NUFIP2: variants seen among roughly 807,000 people sequenced by gnomAD.
NUFIP2 encodes nuclear FMR1 interacting protein 2, also known as FMR1-interacting protein NUFIP2.
Under a neutral mutation model 56.9 loss-of-function variants are expected in NUFIP2, and 6 were observed. The observed-to-expected ratio is 0.11, with a 90% CI of 0.06 to 0.21. The LOEUF (loss-of-function observed/expected upper bound fraction) is 0.21. Among genes scored for constraint, NUFIP2 ranks in the 10% least tolerant of loss-of-function variants. NUFIP2 has a pLI of 1.00. For missense variants in NUFIP2, 828 were observed against 826.8 expected (o/e 1.00, Z -0.02); for synonymous variants, 321 against 298.2 (o/e 1.08, Z -0.79).
At chr17:29,269,747 T>C (rs548343687) in intron 2 of NUFIP2, among the ~76,000 whole-genome samples, 37 of 152,014 alleles carry the variant, frequency 2.4e-4, no homozygotes, top group African/African-American at 8.4e-4. Flanking sequence ...TCTGGCACTT[T>C]TTTTTTTGAG....
intron 2 of NUFIP2, among the ~76,000 whole-genome samples, chr17:29,271,362 C>T (rs935369719): frequency 2.0e-5 from 3 of 151,528 alleles, no homozygotes; most frequent in African/African-American, 7.3e-5. Context: ...CATGGTGAAA[C>T]CCCGTCTCTA....
intron 1 of NUFIP2, among the ~76,000 whole-genome samples, chr17:29,290,137 G>A (rs1184736005): frequency 6.6e-6 from 1 of 151,868 alleles, no homozygotes; most frequent in Non-Finnish European, 1.5e-5. Flanking sequence ...TGCCCGCCTG[G>A]GCCTCCCAAA....
rs2069183449 is a variant in NUFIP2, at chr17:29,287,280, A to G, written c.714T>C (p.Asn238=). 1.2e-6 allele frequency: 2 copies of G among 1,614,060 alleles called. No individual in the cohort carries two copies. The highest frequency in any genetic ancestry group is 2.2e-5 in the South Asian group (2 of 91,080). ...GTTGCATTATTTTGTCCTGCACTATATTAAGGTTTTCACAACCCTTGGCAC... is the reference window on the plus strand; with the variant it reads ...GTTGCATTATTTTGTCCTGCACTATGTTAAGGTTTTCACAACCCTTGGCAC... ...RNSAKGCENL[N]IVQDKIMQQE... Residue 238 remains asparagine (N), a synonymous_variant, in exon 2 of 4, where the codon AAT becomes AAC. Transcript: ENST00000225388.
rs189825211 is a variant in NUFIP2, at chr17:29,264,514, G to C, written c.*25C>G. On this transcript the variant is annotated 3_prime_UTR_variant, in exon 4 of 4. Coordinates refer to ENST00000225388, the MANE Select transcript of NUFIP2 (RefSeq NM_020772.3). Reference sequence around the variant, plus strand: ...AACGATGGCTCTAATGCTGCAGAAAGGTTACGAATAGGCAGTCTGGTCCTT... The same window carrying C: ...AACGATGGCTCTAATGCTGCAGAAACGTTACGAATAGGCAGTCTGGTCCTT... 6.4e-6 allele frequency: 10 copies of C among 1,566,386 alleles called. No homozygotes were observed. The highest frequency in any genetic ancestry group is 8.8e-6 in the Non-Finnish European group (10 of 1,137,456).
intron 2 of NUFIP2, among the ~76,000 whole-genome samples, chr17:29,278,765 A>C (rs576755989): frequency 6.6e-5 from 10 of 152,286 alleles, no homozygotes; most frequent in Non-Finnish European, 1.5e-4. Context: ...GTTAAATTTT[A>C]ACTTCCAAAA....
In NUFIP2 at chr17:29,287,555, C is replaced by G. The variant is rs371502651; in HGVS notation, c.439G>C (p.Ala147Pro). Residue 147 changes from alanine to proline, a missense_variant, in exon 2 of 4, where the codon GCA becomes CCA. Transcript: ENST00000225388. ...QTVKANTFGKAGIKTKNFIQK... is the reference protein window; with the variant it reads ...QTVKANTFGKPGIKTKNFIQK... ...ATGAAATTCTTGGTTTTAATTCCTG[C>G]TTTCCCAAAGGTGTTGGCCTTTACA... 5 of 1,614,064 alleles carry G rather than the reference C, an allele frequency of 3.1e-6. No individual in the cohort carries two copies. In the South Asian group the frequency reaches 5.5e-5, roughly 18 times the overall value.
At chr17:29,269,192 G>A (rs369416318) in intron 2 of NUFIP2, among the ~76,000 whole-genome samples, 62 of 152,058 alleles carry the variant, frequency 4.1e-4, no homozygotes, top group Middle Eastern at 3.4e-3. Context: ...AGTCTTCTGT[G>A]GTAATAAAAC....
chr17:29,278,962 C>T (rs958496443), intron 2 of NUFIP2, among the ~76,000 whole-genome samples: 2 of 152,056 alleles, frequency 1.3e-5, no homozygotes, highest in Non-Finnish European at 2.9e-5. Flanking sequence ...ACTATATGTC[C>T]CACATCATTA....
In NUFIP2 at chr17:29,259,094, G is replaced by C. The variant is rs992427247; in HGVS notation, c.*5445C>G. The C allele has an allele frequency of 2.5e-4, 38 of 152,236 alleles. No individual in the cohort carries two copies. Among genetic ancestry groups the C allele is most frequent in the African/African-American group, 8.9e-4 (37 of 41,542 alleles). The allele number at this position is 152,236 out of a possible 1,614,324, so 9.4% of individuals were successfully genotyped here. ...AAGAAATAAGCATTTTAAGAATAAAGCAGACATCACTAAAGCAGTATCCAT... is the reference window on the plus strand; with the variant it reads ...AAGAAATAAGCATTTTAAGAATAAACCAGACATCACTAAAGCAGTATCCAT... On this transcript the variant is annotated 3_prime_UTR_variant, in exon 4 of 4. Transcript: ENST00000225388.
chr17:29,286,731 T>C lies in NUFIP2; in HGVS notation c.1263A>G (p.Ala421=), dbSNP rs1331124651. 1 of 1,614,134 alleles carries C rather than the reference T, an allele frequency of 6.2e-7. No individual in the cohort carries two copies. Residue 421 remains alanine (A), a synonymous_variant, in exon 2 of 4, where the codon GCA becomes GCG. Transcript: ENST00000225388. ...GAGGATAAACATTTCCATCAGTCCC[T>C]GCTAAAACAGGCCCATTAGAAAAGT... The part of the protein sequence containing the change: ...SANFSNGPVL[A]GTDGNVYPPG...
intron 2 of NUFIP2, among the ~76,000 whole-genome samples, chr17:29,276,153 A>G (rs1374081969): frequency 2.6e-5 from 4 of 152,014 alleles, no homozygotes; most frequent in African/African-American, 4.8e-5. Context: ...AGCACTTGAC[A>G]CAATAGCTAG....
Position 29,287,358 on chromosome 17 carries a change from A to C in NUFIP2, c.636T>G (p.Ser212Arg). The C allele has an allele frequency of 6.2e-7, 1 of 1,614,132 alleles. No homozygotes were observed. Among genetic ancestry groups the C allele is most frequent in the Non-Finnish European group, 8.5e-7 (1 of 1,180,022 alleles). The change falls in exon 2 of 4, where the codon AGT becomes AGG. Residue 212 changes from serine (S) to arginine (R), a missense_variant. Physicochemically the swap from Ser to Arg is moderately radical, Grantham distance 110 (BLOSUM62 -1). Transcript: ENST00000225388. ...GAGTTGTATATCCGCTCTCAGATCC[A>C]CTACCATCATTATCTGCTCCTTTAC... The part of the protein sequence containing the change: ...YMGKGADNDG[S>R]GSESGYTTPK...
Position 29,264,041 on chromosome 17 carries a change from G to T in NUFIP2, c.*498C>A, listed in dbSNP as rs1268227391. On this transcript the variant is annotated 3_prime_UTR_variant, in exon 4 of 4. Transcript: ENST00000225388. The stretch of plus-strand genomic sequence containing the variant: ...GGCTTAATTAAAGTAAAACCAAAAA[G>T]ATCAAGGGAGGAGTGGGGGGAAAAT... The T allele has an allele frequency of 6.6e-6, 1 of 152,546 alleles. No individual in the cohort carries two copies. Among genetic ancestry groups the T allele is most frequent in the East Asian group, 1.9e-4 (1 of 5,196 alleles). 9.4% of individuals were successfully genotyped at this position (152,546 alleles called of 1,614,324 possible).
chr17:29,285,077 C>A (rs937928829), intron 2 of NUFIP2, among the ~76,000 whole-genome samples: 1 of 151,420 alleles, frequency 6.6e-6, no homozygotes, highest in Admixed American at 6.6e-5. Context: ...CAGAGGCGGG[C>A]GGATCACGAG....
intron 2 of NUFIP2, among the ~76,000 whole-genome samples, chr17:29,269,454 C>T (rs1410983359): frequency 1.3e-5 from 2 of 152,058 alleles, no homozygotes; most frequent in Non-Finnish European, 2.9e-5. Flanking sequence ...GAATCACATT[C>T]CTATCTCTCT....
chr17:29,289,370 A>G (rs1384477308), intron 1 of NUFIP2, among the ~76,000 whole-genome samples: 1 of 152,152 alleles, frequency 6.6e-6, no homozygotes, highest in Non-Finnish European at 1.5e-5. Context: ...AGGTGGGTGG[A>G]TCATTTGAGG....
At chr17:29,281,970 G>C (rs1328054039) in intron 2 of NUFIP2, among the ~76,000 whole-genome samples, 4 of 151,522 alleles carry the variant, frequency 2.6e-5, no homozygotes, top group African/African-American at 9.7e-5. Context: ...TTCACTGTTA[G>C]CCAGGATGGC....
chr17:29,278,297 A>T (rs1184806573), intron 2 of NUFIP2, among the ~76,000 whole-genome samples: 1 of 151,436 alleles, frequency 6.6e-6, no homozygotes, highest in African/African-American at 2.4e-5. Context: ...CCCAGGCTAG[A>T]CTGCAGTGGC....
chr17:29,281,491 CA>C (rs11302921), intron 2 of NUFIP2, among the ~76,000 whole-genome samples: 33,506 of 148,262 alleles, frequency 0.23, 4,158 homozygotes, highest in South Asian at 0.35. Context: ...CACCCTGTCT[CA>C]AAAAAAAAGA....
Sources: allele counts gnomAD v4.1 joint callset (sites outside exome capture counted in the v4.1 genomes callset), GRCh38; gene constraint gnomAD v4.1.1; transcripts MANE v1.5; gene names NCBI Gene and HGNC (gene_info 2026-07-23, HGNC 2026-07-21).